The following SLK variants were observed in gnomAD, a reference collection of about 807,000 sequenced individuals.
SLK encodes STE20 like kinase.
A neutral mutation model predicts 147.7 loss-of-function variants in SLK; 67 were observed. The observed-to-expected ratio is 0.45, with a 90% CI of 0.37 to 0.56. The LOEUF (loss-of-function observed/expected upper bound fraction) is 0.56. Ranked by LOEUF, SLK falls within the 20% of genes least tolerant of loss-of-function variation. The pLI, the probability that SLK is intolerant of heterozygous loss-of-function variation, is 0.00. For missense variants in SLK, 1,136 were observed against 1,438.8 expected (o/e 0.79, Z 3.41); for synonymous variants, 441 against 475.0 (o/e 0.93, Z 0.93).
intron 10 of SLK, 97 bp downstream of exon 10, chr10:104,005,788 A>G: frequency 1.3e-6 from 2 of 1,490,012 alleles, no homozygotes; most frequent in Non-Finnish European, 1.8e-6. Flanking sequence ...ATTATTGGCT[A>G]ATTTTTTTTT....
At chr10:103,979,666 A>G (rs916284181) in intron 1 of SLK, among the ~76,000 whole-genome samples, 1 of 151,812 alleles carries the variant, frequency 6.6e-6, no homozygotes, top group Non-Finnish European at 1.5e-5. Flanking sequence ...GGCCATTTGG[A>G]TTTCCTGTTC....
intron 1 of SLK, among the ~76,000 whole-genome samples, chr10:103,969,096 A>C (rs955774475): frequency 6.6e-6 from 1 of 151,928 alleles, no homozygotes; most frequent in South Asian, 2.1e-4. Flanking sequence ...AGCCTCCCGT[A>C]GTAGCTGGGT....
intron 1 of SLK, among the ~76,000 whole-genome samples, chr10:103,981,926 A>G (rs986902458): frequency 1.3e-5 from 2 of 152,124 alleles, no homozygotes; most frequent in Non-Finnish European, 2.9e-5. Flanking sequence ...GGTAGTATTG[A>G]CATTTTAACA....
intron 1 of SLK, among the ~76,000 whole-genome samples, chr10:103,972,529 G>A (rs939079507): frequency 4.6e-5 from 7 of 152,048 alleles, no homozygotes; most frequent in African/African-American, 9.7e-5. Flanking sequence ...AAAATTAGCC[G>A]GGCGTGGTGG....
chr10:103,989,394 A>ACAG, intron 1 of SLK, among the ~76,000 whole-genome samples: 1 of 152,116 alleles, frequency 6.6e-6, no homozygotes, highest in South Asian at 2.1e-4. Flanking sequence ...ATGTGGAGCA[A>ACAG]CAGGAACTCA....
intron 1 of SLK, among the ~76,000 whole-genome samples, chr10:103,978,897 T>C (rs2134450867): frequency 6.6e-6 from 1 of 152,368 alleles, no homozygotes; most frequent in South Asian, 2.1e-4. Flanking sequence ...CTTCCATCCC[T>C]TCCTCCTTTC....
intron 1 of SLK, among the ~76,000 whole-genome samples, chr10:103,979,751 G>A (rs1843917281): frequency 6.6e-6 from 1 of 151,950 alleles, no homozygotes; most frequent in Non-Finnish European, 1.5e-5. Flanking sequence ...TATACATTTT[G>A]GATACTTATC....
At chr10:103,970,418 A>T (rs1843777427) in intron 1 of SLK, among the ~76,000 whole-genome samples, 1 of 152,224 alleles carries the variant, frequency 6.6e-6, no homozygotes, top group Non-Finnish European at 1.5e-5. Context: ...TTATTTGAGC[A>T]CTATAAAATT....
At position 104,020,606 on chromosome 10, in the gene SLK, A is replaced by G. The variant is rs370580979; in HGVS notation, c.3440A>G (p.Gln1147Arg). The change falls in exon 17 of 19, where the codon CAG (glutamine) becomes CGG (arginine). Residue 1147 changes from glutamine (Q) to arginine (R), a missense_variant. Gln to Arg is a conservative substitution (Grantham distance 43). Coordinates refer to ENST00000369755, the MANE Select transcript of SLK (RefSeq NM_014720.4). ...GAAGCCAATGTCCGCGAACTGCATC[A>G]GCTGCAGGTCAGATACAGAAGCCTG... ...QCEANVRELHQLQNEKCHLLV... is the reference protein window; with the variant it reads ...QCEANVRELHRLQNEKCHLLV... The G allele has an allele frequency of 1.2e-6, 2 of 1,612,862 alleles. No homozygotes were observed. Among genetic ancestry groups the G allele is most frequent in the Non-Finnish European group, 1.7e-6 (2 of 1,179,592 alleles).
chr10:104,008,237 A>G lies in SLK; in HGVS notation c.2665A>G (p.Ile889Val), dbSNP rs1399162428. 1.5e-5 allele frequency: 24 copies of G among 1,614,056 alleles called. No individual in the cohort carries two copies. The highest frequency in any genetic ancestry group is 6.6e-5 in the South Asian group (6 of 91,080). The change falls in exon 12 of 19, where the codon ATC becomes GTC. Residue 889 changes from isoleucine to valine, a missense_variant. Physicochemically the swap from Ile to Val is conservative, Grantham distance 29. Around this residue, in one of 6 missense-constraint regions of SLK, gnomAD observed 327 missense variants for 457.5 expected, o/e 0.71. Transcript: ENST00000369755. ...TCTAGAAAAACAGCAGAAACAGACT[A>G]TCGAACGCCTGGAACAAGAGCACAC... ...ENLEKQQKQT[I>V]ERLEQEHTNR...
intron 13 of SLK, among the ~76,000 whole-genome samples, chr10:104,016,150 C>T (rs1431957785): frequency 6.6e-6 from 1 of 151,956 alleles, no homozygotes; most frequent in Non-Finnish European, 1.5e-5. Context: ...AACCCCGTCT[C>T]TACTAGAAAA....
chr10:103,991,860 AG>A (rs1844097947), intron 2 of SLK, among the ~76,000 whole-genome samples: 1 of 152,050 alleles, frequency 6.6e-6, no homozygotes, highest in Admixed American at 6.5e-5. Context: ...ATGTTTCCAA[AG>A]ATTATAATGC....
At chr10:103,969,093 C>T (rs1187645681) in intron 1 of SLK, among the ~76,000 whole-genome samples, 8 of 152,072 alleles carry the variant, frequency 5.3e-5, no homozygotes, top group African/African-American at 1.9e-4. Flanking sequence ...CTCAGCCTCC[C>T]GTAGTAGCTG....
chr10:104,026,509 T>C lies in SLK; in HGVS notation c.*789T>C, dbSNP rs1249848205. On this transcript the variant is annotated 3_prime_UTR_variant, in exon 19 of 19. Transcript: ENST00000369755. The stretch of plus-strand genomic sequence containing the variant: ...AATACATGTACAAAGTTTGGAAAGA[T>C]GAAAAAAAGAGGTAGCTTTTAGATT... 1 of 152,174 alleles carries C rather than the reference T, an allele frequency of 6.6e-6. No homozygotes were observed. The highest frequency in any genetic ancestry group is 1.5e-5 in the Non-Finnish European group (1 of 67,978). 9.4% of individuals were successfully genotyped at this position (152,174 alleles called of 1,614,324 possible). A position where few individuals can be genotyped will look rare whatever the true frequency, so the allele number is the denominator to read the frequency against.
chr10:103,984,126 C>A (rs950603723), intron 1 of SLK, among the ~76,000 whole-genome samples: 2 of 152,094 alleles, frequency 1.3e-5, no homozygotes, highest in Non-Finnish European at 2.9e-5. Flanking sequence ...CTAACTGATA[C>A]AAGGATTAAA....
At chr10:104,021,370 A>G (rs899047063) in intron 17 of SLK, among the ~76,000 whole-genome samples, 1 of 152,210 alleles carries the variant, frequency 6.6e-6, no homozygotes, top group Non-Finnish European at 1.5e-5. Context: ...AGAAAGGAAA[A>G]ACAAAAGCTC....
Position 104,001,577 on chromosome 10 carries a change from G to T in SLK, c.993+5G>T. The T allele has an allele frequency of 6.2e-7, 1 of 1,613,548 alleles. No homozygotes were observed. Among genetic ancestry groups the T allele is most frequent in the Non-Finnish European group, 8.5e-7 (1 of 1,179,654 alleles). ...GAGGAAACAGAAAATTCTCTGGTCA[G>T]TATTTAGGAAAGAAATTTCATTTAG... is the stretch of plus-strand genomic sequence containing the variant. On this transcript the variant is annotated splice_donor_5th_base_variant and intron_variant, in intron 8 of 18. Transcript: ENST00000369755.
chr10:104,013,257 C>T (rs985622705), intron 13 of SLK, among the ~76,000 whole-genome samples: 5 of 152,292 alleles, frequency 3.3e-5, no homozygotes, highest in African/African-American at 1.2e-4. Context: ...TCAAACTATA[C>T]TAACAGGAAT....
intron 4 of SLK, among the ~76,000 whole-genome samples, chr10:103,994,329 G>C (rs1018146303): frequency 1.1e-4 from 16 of 152,234 alleles, no homozygotes; most frequent in Admixed American, 5.9e-4. Flanking sequence ...GCCCATCTCA[G>C]CCACTGCCCT....
Sources: gnomAD v4.1 joint callset for allele counts (sites outside exome capture counted in the v4.1 genomes callset) on GRCh38, gnomAD v4.1.1 for gene constraint, gnomAD v4.1.1 regional missense constraint, MANE v1.5 for transcripts, NCBI Gene and HGNC (gene_info 2026-07-23, HGNC 2026-07-21) for gene names.